Variants in SEMA6D observed in about 807,000 individuals in gnomAD.
SEMA6D encodes semaphorin 6D.
SEMA6D carries 35 observed loss-of-function variants against 106.6 expected under a neutral mutation model. The ratio of observed to expected loss-of-function variants is 0.33; its 90% CI spans 0.25 to 0.44. The LOEUF is 0.44. SEMA6D is among the 20% of genes least tolerant of loss of function. The pLI, the probability that SEMA6D is intolerant of heterozygous loss-of-function variation, is 1.00. For synonymous variants in SEMA6D, 499 were observed against 487.7 expected (o/e 1.02, Z -0.31); for missense variants, 1,185 against 1,345.9 (o/e 0.88, Z 1.87).
intron 1 of SEMA6D, among the ~76,000 whole-genome samples, chr15:47,303,965 T>TCAGA (rs2036124073): frequency 6.6e-6 from 1 of 152,136 alleles, no homozygotes; most frequent in African/African-American, 2.4e-5. Flanking sequence ...CACTGTCTAG[T>TCAGA]CAGAACACAC....
intron 4 of SEMA6D, among the ~76,000 whole-genome samples, chr15:47,624,458 G>A (rs539339609): frequency 6.6e-6 from 1 of 152,230 alleles, no homozygotes; most frequent in East Asian, 1.9e-4. Flanking sequence ...TACAAATATA[G>A]TCATCCAATT....
At chr15:47,414,817 G>A (rs936304378) in intron 2 of SEMA6D, among the ~76,000 whole-genome samples, 1 of 152,116 alleles carries the variant, frequency 6.6e-6, no homozygotes, top group Non-Finnish European at 1.5e-5. Context: ...GAGTAGAAAA[G>A]CACTAATGTA....
At chr15:47,407,068 G>A (rs1030957784) in intron 1 of SEMA6D, among the ~76,000 whole-genome samples, 1 of 152,116 alleles carries the variant, frequency 6.6e-6, no homozygotes, top group African/African-American at 2.4e-5. Context: ...AGTGAAAATA[G>A]TGAATGTTGT....
chr15:47,691,946 A>G (rs1401187676), intron 4 of SEMA6D, among the ~76,000 whole-genome samples: 3 of 152,208 alleles, frequency 2.0e-5, no homozygotes, highest in East Asian at 3.9e-4. Context: ...AGAAAACTTC[A>G]TTCAAGAGGC....
intron 3 of SEMA6D, among the ~76,000 whole-genome samples, chr15:47,477,891 A>G (rs886621069): frequency 6.6e-5 from 10 of 152,106 alleles, no homozygotes. Flanking sequence ...GCTCTTTTCT[A>G]TGTAAATGCC....
At chr15:47,623,131 C>T (rs1429637230) in intron 4 of SEMA6D, among the ~76,000 whole-genome samples, 1 of 152,186 alleles carries the variant, frequency 6.6e-6, no homozygotes, top group Non-Finnish European at 1.5e-5. Context: ...GTGTGAAAGG[C>T]ATAAGTAGCT....
At chr15:47,631,685 A>C (rs1363957479) in intron 4 of SEMA6D, among the ~76,000 whole-genome samples, 3 of 151,958 alleles carry the variant, frequency 2.0e-5, no homozygotes, top group African/African-American at 7.2e-5. Flanking sequence ...AATATCAAGG[A>C]AATAGGTCTT....
At chr15:47,438,116 C>G (rs545634044) in intron 2 of SEMA6D, among the ~76,000 whole-genome samples, 1 of 152,250 alleles carries the variant, frequency 6.6e-6, no homozygotes, top group African/African-American at 2.4e-5. Flanking sequence ...ATCATCTTAA[C>G]TGCTCACACC....
chr15:47,189,510 C>A (rs574815496), intron 1 of SEMA6D, among the ~76,000 whole-genome samples: 8 of 152,102 alleles, frequency 5.3e-5, no homozygotes, highest in South Asian at 2.1e-4. Flanking sequence ...AGAAAAAAAA[C>A]CCCAAAAACC....
intron 3 of SEMA6D, among the ~76,000 whole-genome samples, chr15:47,530,854 T>A (rs943929910): frequency 1.3e-5 from 2 of 152,176 alleles, no homozygotes; most frequent in Non-Finnish European, 2.9e-5. Context: ...ATAGCCTCAG[T>A]TTCCTTGTCT....
intron 1 of SEMA6D, among the ~76,000 whole-genome samples, chr15:47,378,091 C>G (rs1300092404): frequency 6.6e-6 from 1 of 152,182 alleles, no homozygotes; most frequent in Non-Finnish European, 1.5e-5. Flanking sequence ...ACGATTCTCT[C>G]CTTTATAGAA....
intron 1 of SEMA6D, among the ~76,000 whole-genome samples, chr15:47,187,638 C>T (rs1037155821): frequency 6.6e-6 from 1 of 152,086 alleles, no homozygotes; most frequent in Admixed American, 6.5e-5. Context: ...ATCATTCATG[C>T]CCTTGCTGAG....
At chr15:47,411,442 T>G (rs939861720) in intron 1 of SEMA6D, among the ~76,000 whole-genome samples, 13 of 152,248 alleles carry the variant, frequency 8.5e-5, no homozygotes, top group African/African-American at 2.9e-4. Context: ...TCTGCTTCAT[T>G]TTATTGAAAT....
intron 3 of SEMA6D, among the ~76,000 whole-genome samples, chr15:47,477,195 GT>G (rs1381589574): frequency 1.3e-5 from 2 of 152,112 alleles, no homozygotes; most frequent in South Asian, 2.1e-4. Context: ...CAAGATGAGT[GT>G]TTTTAAATAC....
intron 3 of SEMA6D, among the ~76,000 whole-genome samples, chr15:47,513,629 G>T (rs559863362): frequency 3.4e-4 from 52 of 152,272 alleles, no homozygotes; most frequent in Non-Finnish European, 4.0e-4. Flanking sequence ...CAGAAGCTTG[G>T]CCAGATGGAA....
intron 3 of SEMA6D, among the ~76,000 whole-genome samples, chr15:47,564,324 G>T (rs547598557): frequency 2.7e-4 from 41 of 152,264 alleles, no homozygotes; most frequent in African/African-American, 9.9e-4. Flanking sequence ...CCCATTTCTG[G>T]CATGATACTG....
chr15:47,692,068 G>A (rs1413138724), intron 4 of SEMA6D, among the ~76,000 whole-genome samples: 1 of 152,124 alleles, frequency 6.6e-6, no homozygotes, highest in Admixed American at 6.6e-5. Context: ...TGGGAAAAGA[G>A]CCCAGGATGT....
chr15:47,551,431 A>T (rs1235007250), intron 3 of SEMA6D, among the ~76,000 whole-genome samples: 1 of 152,326 alleles, frequency 6.6e-6, no homozygotes, highest in East Asian at 1.9e-4. Flanking sequence ...GGACAAAGTA[A>T]TACACACAGA....
chr15:47,642,271 T>C (rs1343355570), intron 4 of SEMA6D, among the ~76,000 whole-genome samples: 1 of 152,204 alleles, frequency 6.6e-6, no homozygotes, highest in Non-Finnish European at 1.5e-5. Context: ...AAGTCTGGGC[T>C]GGAAAGAAAC....
Sources: gnomAD v4.1 joint callset for allele counts (sites outside exome capture counted in the v4.1 genomes callset) on GRCh38, gnomAD v4.1.1 for gene constraint, MANE v1.5 for transcripts, NCBI Gene and HGNC (gene_info 2026-07-23, HGNC 2026-07-21) for gene names.